The following RBMS3 variants were observed in gnomAD, a reference collection of about 807,000 sequenced individuals.
RBMS3 encodes the protein RNA binding motif single stranded interacting protein 3.
A neutral mutation model predicts 66.8 loss-of-function variants in RBMS3; 27 were observed. That is an observed-to-expected ratio of 0.40 (90% confidence interval 0.30 to 0.56). RBMS3 has a LOEUF of 0.56. Ranked by LOEUF, RBMS3 falls within the 20% of genes least tolerant of loss-of-function variation. The probability of loss-of-function intolerance (pLI) is 0.40; values close to 1 mark genes in which losing one functional copy is unlikely to be tolerated. For missense variants in RBMS3, 513 were observed against 549.5 expected (o/e 0.93, Z 0.66); for synonymous variants, 188 against 183.0 (o/e 1.03, Z -0.22).
At chr3:29,469,109 T>C (rs2042636298) in intron 2 of RBMS3, among the ~76,000 whole-genome samples, 1 of 152,180 alleles carries the variant, frequency 6.6e-6, no homozygotes, top group Non-Finnish European at 1.5e-5. Flanking sequence ...GGGAGGCCTA[T>C]CTTGAAATGC....
intron 3 of RBMS3, among the ~76,000 whole-genome samples, chr3:29,519,966 G>T (rs969530914): frequency 6.6e-6 from 1 of 152,056 alleles, no homozygotes; most frequent in Admixed American, 6.6e-5. Flanking sequence ...TACATTTTTA[G>T]TACTTGTTTC....
At chr3:29,788,790 A>G (rs1304138248) in intron 6 of RBMS3, among the ~76,000 whole-genome samples, 3 of 152,172 alleles carry the variant, frequency 2.0e-5, no homozygotes, top group Non-Finnish European at 2.9e-5. Flanking sequence ...GTATATGCTT[A>G]TTTAATTTTG....
intron 6 of RBMS3, among the ~76,000 whole-genome samples, chr3:29,824,921 G>A (rs2149479717): frequency 6.6e-6 from 1 of 151,996 alleles, no homozygotes; most frequent in South Asian, 2.1e-4. Context: ...CATCACTTGG[G>A]TTTTTCTGAA....
At chr3:29,785,650 T>C (rs1041953713) in intron 6 of RBMS3, among the ~76,000 whole-genome samples, 10 of 152,080 alleles carry the variant, frequency 6.6e-5, no homozygotes, top group South Asian at 2.1e-4. Context: ...AGCATTTCTT[T>C]ATGATTAAAC....
intron 3 of RBMS3, among the ~76,000 whole-genome samples, chr3:29,532,944 A>G (rs2045421723): frequency 6.6e-6 from 1 of 152,152 alleles, no homozygotes. Context: ...TATAAGTAGT[A>G]TTACTTCGAT....
chr3:29,986,817 C>T (rs2149792690), intron 12 of RBMS3, among the ~76,000 whole-genome samples: 2 of 152,216 alleles, frequency 1.3e-5, no homozygotes, highest in Middle Eastern at 6.8e-3. Context: ...GTGGCACACA[C>T]CTGTACTCTC....
chr3:29,553,656 A>T (rs941020478), intron 3 of RBMS3, among the ~76,000 whole-genome samples: 1 of 152,162 alleles, frequency 6.6e-6, no homozygotes, highest in African/African-American at 2.4e-5. Context: ...CAGGGCACCT[A>T]GTGATGCACC....
At chr3:29,326,024 C>A (rs1408551937) in intron 1 of RBMS3, among the ~76,000 whole-genome samples, 2 of 152,170 alleles carry the variant, frequency 1.3e-5, no homozygotes, top group Non-Finnish European at 2.9e-5. Flanking sequence ...TAACTTTACA[C>A]TTGACTGTAG....
chr3:29,379,011 CT>C (rs1164660625), intron 1 of RBMS3, among the ~76,000 whole-genome samples: 1 of 152,152 alleles, frequency 6.6e-6, no homozygotes, highest in Non-Finnish European at 1.5e-5. Context: ...TCTGTCTTGT[CT>C]GCAGAGAGAT....
intron 3 of RBMS3, among the ~76,000 whole-genome samples, chr3:29,527,724 A>T (rs987702151): frequency 2.0e-4 from 30 of 152,158 alleles, no homozygotes; most frequent in African/African-American, 7.2e-4. Context: ...AATAGCAGAT[A>T]CATTGGTGTG....
chr3:29,674,709 A>G (rs112446133), intron 4 of RBMS3, among the ~76,000 whole-genome samples: 1 of 145,962 alleles, frequency 6.9e-6, no homozygotes, highest in South Asian at 2.2e-4. Context: ...TGAAGGACCT[A>G]TTCAAGGAGA....
intron 2 of RBMS3, among the ~76,000 whole-genome samples, chr3:29,458,425 A>G (rs1215777440): frequency 6.6e-6 from 1 of 152,158 alleles, no homozygotes; most frequent in East Asian, 1.9e-4. Context: ...TGGTTCTAAG[A>G]TCACCCCCTT....
chr3:29,587,141 C>A lies in RBMS3; in HGVS notation c.335C>A (p.Pro112His), dbSNP rs1288075605. ...KGYGFVDFDS[P>H]AAAQKAVASL... is the part of the protein sequence containing the mutation. Reference sequence around the variant, plus strand: ...TATGGTTTTGTAGATTTTGACAGTCCTGCAGCCGCACAGAAAGCGGTAGCA... The same window carrying A: ...TATGGTTTTGTAGATTTTGACAGTCATGCAGCCGCACAGAAAGCGGTAGCA... Residue 112 changes from proline (P) to histidine (H), a missense_variant, in exon 4 of 15, where the codon CCT (proline) becomes CAT (histidine). Pro to His is a moderately conservative substitution (Grantham distance 77). Transcript: ENST00000383767. The A allele has an allele frequency of 6.2e-7, 1 of 1,610,340 alleles. No individual in the cohort carries two copies. Among genetic ancestry groups the A allele is most frequent in the South Asian group, 1.1e-5 (1 of 90,582 alleles).
chr3:29,645,760 T>C (rs949092626), intron 4 of RBMS3, among the ~76,000 whole-genome samples: 6 of 152,232 alleles, frequency 3.9e-5, no homozygotes, highest in African/African-American at 1.2e-4. Flanking sequence ...AAGAGGACAT[T>C]TGATGTTTTG....
At chr3:29,450,139 G>T (rs771137336) in intron 2 of RBMS3, among the ~76,000 whole-genome samples, 1 of 152,182 alleles carries the variant, frequency 6.6e-6, no homozygotes, top group Non-Finnish European at 1.5e-5. Context: ...TGGATTCTTG[G>T]CTTAGGAGTG....
At chr3:29,991,042 G>A (rs181182863) in intron 13 of RBMS3, 40 bp from the exon 14 acceptor site, 1 of 1,603,604 alleles carries the variant, frequency 6.2e-7, no homozygotes, top group African/African-American at 1.3e-5. Flanking sequence ...GCCCTTCACT[G>A]AAGCAAGTAA....
intron 6 of RBMS3, among the ~76,000 whole-genome samples, chr3:29,817,252 A>G (rs1331118223): frequency 7.0e-6 from 1 of 143,632 alleles, no homozygotes; most frequent in East Asian, 2.0e-4. Context: ...CAATGGCACA[A>G]TCTTGGCTCA....
At chr3:29,835,345 C>G (rs2058477143) in intron 6 of RBMS3, among the ~76,000 whole-genome samples, 1 of 151,896 alleles carries the variant, frequency 6.6e-6, no homozygotes, top group Non-Finnish European at 1.5e-5. Context: ...TCTTCTCAAG[C>G]ATACACAAAG....
chr3:29,978,661 CA>C (rs986609976), intron 12 of RBMS3, among the ~76,000 whole-genome samples: 8 of 149,642 alleles, frequency 5.3e-5, no homozygotes, highest in East Asian at 2.0e-4. Flanking sequence ...ATGGAAAAAA[CA>C]AAAAAAAACT....
Sources: gnomAD v4.1 joint callset for allele counts (sites outside exome capture counted in the v4.1 genomes callset) on GRCh38, gnomAD v4.1.1 for gene constraint, MANE v1.5 for transcripts, NCBI Gene and HGNC (gene_info 2026-07-23, HGNC 2026-07-21) for gene names.